Variants in DKK2 observed in about 807,000 individuals in gnomAD.
DKK2 encodes the protein dickkopf-related protein 2.
DKK2 carries 11 observed loss-of-function variants against 28.1 expected under a neutral mutation model. The ratio of observed to expected loss-of-function variants is 0.39; its 90% CI spans 0.25 to 0.65. The LOEUF (loss-of-function observed/expected upper bound fraction) is 0.65, where lower values mean the gene tolerates loss of function less well. Among genes scored for constraint, DKK2 ranks in the 30% least tolerant of loss-of-function variants. DKK2 has a pLI of 0.47. For missense variants in DKK2, 326 were observed against 335.5 expected (o/e 0.97, Z 0.22); for synonymous variants, 135 against 126.5 (o/e 1.07, Z -0.45).
chr4:107,001,426 C>T (rs1723357876), intron 1 of DKK2, among the ~76,000 whole-genome samples: 1 of 152,150 alleles, frequency 6.6e-6, no homozygotes, highest in African/African-American at 2.4e-5. Context: ...ATCCTAAAGG[C>T]TTTTCTCTTC....
chr4:106,939,567 C>G (rs1259384356), intron 1 of DKK2, among the ~76,000 whole-genome samples: 5 of 152,184 alleles, frequency 3.3e-5, no homozygotes, highest in Non-Finnish European at 7.3e-5. Context: ...CCATCCCCAT[C>G]AAGCTACCAA....
At chr4:106,948,386 C>T (rs1217253212) in intron 1 of DKK2, among the ~76,000 whole-genome samples, 1 of 152,152 alleles carries the variant, frequency 6.6e-6, no homozygotes, top group Non-Finnish European at 1.5e-5. Flanking sequence ...GGAACCACTG[C>T]ACCACATTGA....
Position 107,035,892 on chromosome 4 carries a change from A to C in DKK2, c.-301T>G, listed in dbSNP as rs1723958039. On this transcript the variant is annotated 5_prime_UTR_variant, in exon 1 of 4. Coordinates refer to ENST00000285311, the MANE Select transcript of DKK2 (RefSeq NM_014421.3). ...AGGAGGCGTGACCCAAGGTGCAAGA[A>C]AACCCAGCCCTGTGGATCGCACCGC... 2.3e-6 allele frequency: 1 copy of C among 442,706 alleles called. No individual in the cohort carries two copies. 27.4% of individuals were successfully genotyped at this position (442,706 alleles called of 1,614,324 possible).
chr4:106,994,491 C>CCACA (rs112978532), intron 1 of DKK2, among the ~76,000 whole-genome samples: 3,636 of 145,816 alleles, frequency 0.025, 153 homozygotes, highest in African/African-American at 0.084. Flanking sequence ...CACATGTACA[C>CCACA]CACACACACA....
intron 1 of DKK2, among the ~76,000 whole-genome samples, chr4:107,019,385 C>A (rs1418947447): frequency 6.6e-6 from 1 of 151,952 alleles, no homozygotes; most frequent in East Asian, 1.9e-4. Context: ...TTCCTGACAT[C>A]ATCCTTCCTG....
chr4:106,943,259 G>A (rs753264957), intron 1 of DKK2, among the ~76,000 whole-genome samples: 12 of 151,930 alleles, frequency 7.9e-5, no homozygotes, highest in African/African-American at 1.4e-4. Context: ...TGAATTCTTC[G>A]TCTGCCCTAC....
chr4:107,006,146 A>C (rs888028850), intron 1 of DKK2, among the ~76,000 whole-genome samples: 2 of 152,252 alleles, frequency 1.3e-5, no homozygotes, highest in Admixed American at 6.5e-5. Context: ...GAATGTAGCA[A>C]ATGAGCTAGA....
intron 1 of DKK2, among the ~76,000 whole-genome samples, chr4:106,926,452 G>T (rs1724427636): frequency 6.6e-6 from 1 of 152,148 alleles, no homozygotes; most frequent in African/African-American, 2.4e-5. Context: ...AACCCTTTCA[G>T]TTCCTGCCTA....
intron 1 of DKK2, among the ~76,000 whole-genome samples, chr4:106,987,308 T>C (rs987239547): frequency 6.6e-6 from 1 of 152,214 alleles, no homozygotes; most frequent in Non-Finnish European, 1.5e-5. Flanking sequence ...ATTATCTTTA[T>C]TAATAACATA....
chr4:106,983,013 A>AAAGG (rs991128648), intron 1 of DKK2, among the ~76,000 whole-genome samples: 2 of 150,052 alleles, frequency 1.3e-5, no homozygotes, highest in Non-Finnish European at 3.0e-5. Flanking sequence ...AAAAAGAGAG[A>AAAGG]AAGGAAGGAA....
In DKK2 at chr4:107,007,096, A is replaced by G. The variant is rs116580378; in HGVS notation, c.222+28274T>C. 3.2e-3 allele frequency among the ~76,000 whole-genome samples: 486 copies of G among 152,248 alleles called. 4 individuals carry two copies. The highest frequency in any genetic ancestry group is 0.011 in the African/African-American group (471 of 41,556). ...AAATAAATGGGTGCATATATCTTGG[A>G]AAAGCAACAATTATAGAAAGTTTAC... On this transcript the variant is annotated intron_variant, in intron 1 of 3. Transcript: ENST00000285311.
chr4:106,987,502 A>T (rs1723137657), intron 1 of DKK2, among the ~76,000 whole-genome samples: 1 of 152,156 alleles, frequency 6.6e-6, no homozygotes, highest in Non-Finnish European at 1.5e-5. Flanking sequence ...CTGCAGTTTG[A>T]TGGGGCTGTC....
intron 1 of DKK2, among the ~76,000 whole-genome samples, chr4:107,033,789 C>T (rs1026332979): frequency 6.6e-6 from 1 of 152,138 alleles, no homozygotes; most frequent in African/African-American, 2.4e-5. Flanking sequence ...CCCATTCTTT[C>T]TAATCCCTGT....
In DKK2 at chr4:106,923,255, A is replaced by G. The variant is rs1724374249; in HGVS notation, c.*699T>C. On this transcript the variant is annotated 3_prime_UTR_variant, in exon 4 of 4. Coordinates refer to ENST00000285311, the MANE Select transcript of DKK2 (RefSeq NM_014421.3). Reference sequence around the variant, plus strand: ...TGTCTTGTATCAGTTCTTATTAATTACAGGTAAAACTAAAATTTTGAAAAA... The same window carrying G: ...TGTCTTGTATCAGTTCTTATTAATTGCAGGTAAAACTAAAATTTTGAAAAA... 1 of 152,154 alleles carries G rather than the reference A, an allele frequency of 6.6e-6. No homozygotes were observed. The allele number at this position is 152,154 out of a possible 1,614,324, so 9.4% of individuals were successfully genotyped here. A position where few individuals can be genotyped will look rare whatever the true frequency, so the allele number is the denominator to read the frequency against.
intron 1 of DKK2, among the ~76,000 whole-genome samples, chr4:106,927,894 G>A (rs1724445910): frequency 1.3e-5 from 2 of 152,112 alleles, no homozygotes; most frequent in Non-Finnish European, 1.5e-5. Context: ...AAATAAACAT[G>A]TGCCACATAA....
At chr4:106,955,826 G>A (rs1223530714) in intron 1 of DKK2, among the ~76,000 whole-genome samples, 3 of 152,222 alleles carry the variant, frequency 2.0e-5, no homozygotes, top group African/African-American at 4.8e-5. Context: ...GTCCAGTAAA[G>A]ATTTGAAGTA....
intron 1 of DKK2, among the ~76,000 whole-genome samples, chr4:107,025,260 G>A (rs1459827627): frequency 2.6e-5 from 4 of 152,130 alleles, no homozygotes; most frequent in Admixed American, 2.6e-4. Context: ...CAAGTTCTCT[G>A]CCAGGGAAGG....
intron 1 of DKK2, among the ~76,000 whole-genome samples, chr4:106,939,563 C>G (rs923496333): frequency 1.3e-5 from 2 of 152,172 alleles, no homozygotes; most frequent in African/African-American, 4.8e-5. Context: ...AATGCCATCC[C>G]CATCAAGCTA....
At chr4:107,032,971 T>TA (rs1723897028) in intron 1 of DKK2, among the ~76,000 whole-genome samples, 1 of 152,106 alleles carries the variant, frequency 6.6e-6, no homozygotes, top group Admixed American at 6.5e-5. Flanking sequence ...GGTGACCACA[T>TA]AACTATAGAA....
Sources: allele counts gnomAD v4.1 joint callset (sites outside exome capture counted in the v4.1 genomes callset), GRCh38; gene constraint gnomAD v4.1.1; transcripts MANE v1.5; gene names NCBI Gene and HGNC (gene_info 2026-07-23, HGNC 2026-07-21).